Variants in TMEM117 observed in about 807,000 individuals in gnomAD.
The protein encoded by TMEM117 is transmembrane protein 117.
TMEM117 carries 27 observed loss-of-function variants against 52.4 expected under a neutral mutation model. The ratio of observed to expected loss-of-function variants is 0.51; its 90% confidence interval spans 0.38 to 0.71. The LOEUF (loss-of-function observed/expected upper bound fraction) is 0.71, where lower values mean the gene tolerates loss of function less well. TMEM117 is among the 30% of genes least tolerant of loss of function. TMEM117 has a pLI of 0.00. For synonymous variants in TMEM117, 215 were observed against 206.3 expected, an observed-to-expected ratio of 1.04 and a Z score of -0.36; for missense variants, 556 against 630.5, an observed-to-expected ratio of 0.88 and a Z score of 1.26.
At chr12:43,930,519 C>T (rs1944854589) in intron 2 of TMEM117, among the ~76,000 whole-genome samples, 1 of 152,164 alleles carries the variant, frequency 6.6e-6, no homozygotes, top group Non-Finnish European at 1.5e-5. Flanking sequence ...GAAAAAGATG[C>T]AATAAATTTG....
intron 5 of TMEM117, among the ~76,000 whole-genome samples, chr12:44,262,465 G>A (rs1242761617): frequency 1.3e-5 from 2 of 152,130 alleles, no homozygotes; most frequent in African/African-American, 4.8e-5. Flanking sequence ...ACAAACCCAC[G>A]TGTTTGATGG....
At chr12:44,122,634 G>A (rs967047267) in intron 3 of TMEM117, among the ~76,000 whole-genome samples, 1 of 152,062 alleles carries the variant, frequency 6.6e-6, no homozygotes, top group African/African-American at 2.4e-5. Flanking sequence ...TCATCATTCA[G>A]CTCCCACTTA....
At chr12:44,134,411 A>T (rs1005604591) in intron 3 of TMEM117, among the ~76,000 whole-genome samples, 2 of 152,118 alleles carry the variant, frequency 1.3e-5, no homozygotes, top group East Asian at 1.9e-4. Context: ...GATGTGGTGC[A>T]CTATGTTTCC....
At chr12:43,909,722 G>A (rs1263861298) in intron 2 of TMEM117, among the ~76,000 whole-genome samples, 1 of 150,930 alleles carries the variant, frequency 6.6e-6, no homozygotes, top group Non-Finnish European at 1.5e-5. Flanking sequence ...ACACCTCTAC[G>A]CAAATAAACT....
At chr12:44,035,470 A>G (rs1371244345) in intron 3 of TMEM117, among the ~76,000 whole-genome samples, 1 of 152,270 alleles carries the variant, frequency 6.6e-6, no homozygotes, top group African/African-American at 2.4e-5. Context: ...GAGAAACAAT[A>G]GTAAGCAAGT....
At chr12:44,045,885 A>G (rs1295395703) in intron 3 of TMEM117, among the ~76,000 whole-genome samples, 1 of 152,114 alleles carries the variant, frequency 6.6e-6, no homozygotes, top group East Asian at 1.9e-4. Context: ...TGGTCTTACC[A>G]TGTTCCCCAT....
intron 6 of TMEM117, among the ~76,000 whole-genome samples, chr12:44,332,386 T>C (rs1340394079): frequency 6.6e-6 from 1 of 152,060 alleles, no homozygotes; most frequent in African/African-American, 2.4e-5. Context: ...TTATGCCAAA[T>C]TGCTCTGTAT....
chr12:44,299,128 ATTTTTT>A (rs375671360), intron 5 of TMEM117, among the ~76,000 whole-genome samples: 1 of 125,418 alleles, frequency 8.0e-6, no homozygotes, highest in Non-Finnish European at 1.6e-5. Context: ...AAGGCATTTA[ATTTTTT>A]TTTTTTTTTT....
rs546386068 is a variant in TMEM117, at chr12:44,038,644, C to A, written c.410+94302C>A. Among the ~76,000 whole-genome samples, 460 of 152,298 alleles carry A rather than the reference C, an allele frequency of 3.0e-3. 3 individuals are homozygous for A. The highest frequency in any genetic ancestry group is 0.011 in the African/African-American group (447 of 41,548). The stretch of plus-strand genomic sequence containing the variant: ...TCGAGTAAAAACTTGGGCAAAGGTG[C>A]CCCTGGCCACAGAGGTTTCCAGCTG... On this transcript the variant is annotated intron_variant, in intron 3 of 7. Transcript: ENST00000266534.
At chr12:43,815,151 T>C in the TMEM117 span, among the ~76,000 whole-genome samples, 2 of 152,242 alleles carry the variant, frequency 1.3e-5, no homozygotes, top group Non-Finnish European at 2.9e-5. Flanking sequence ...GGGACAATAA[T>C]AACATCTTGC....
In TMEM117 at chr12:44,300,648, T is replaced by A. The variant is rs185684262; in HGVS notation, c.768+909T>A. Among the ~76,000 whole-genome samples, 187 of 152,312 alleles carry A rather than the reference T, an allele frequency of 1.2e-3. 1 individual carries two copies. In the Middle Eastern group the frequency reaches 0.014, roughly 11 times the overall value. ...TAACAGTTTATTTATTGATTTTTTT[T>A]AAATTTGTTAAATAATATATCTTGG... is the stretch of plus-strand genomic sequence containing the variant. On this transcript the variant is annotated intron_variant, in intron 6 of 7. Coordinates refer to ENST00000266534, the MANE Select transcript of TMEM117 (RefSeq NM_032256.3).
At chr12:44,342,121 T>C (rs1157632716) in intron 6 of TMEM117, among the ~76,000 whole-genome samples, 1 of 152,128 alleles carries the variant, frequency 6.6e-6, no homozygotes, top group Non-Finnish European at 1.5e-5. Context: ...ACAAGTCAGC[T>C]ATCTAGCTTC....
chr12:44,277,428 CATTT>C (rs1266474828), intron 5 of TMEM117, among the ~76,000 whole-genome samples: 1 of 152,032 alleles, frequency 6.6e-6, no homozygotes. Flanking sequence ...AAAAAAGACC[CATTT>C]ATTATTTCAC....
chr12:44,260,883 AAG>A (rs1269036051), intron 5 of TMEM117, among the ~76,000 whole-genome samples: 1 of 152,196 alleles, frequency 6.6e-6, no homozygotes, highest in Non-Finnish European at 1.5e-5. Flanking sequence ...CACAAGTAAA[AAG>A]AGAGACAAAT....
At chr12:44,013,537 A>G (rs1460268630) in intron 3 of TMEM117, among the ~76,000 whole-genome samples, 2 of 152,260 alleles carry the variant, frequency 1.3e-5, no homozygotes, top group Middle Eastern at 3.4e-3. Context: ...CCTTTCTTTC[A>G]TATTTCAAAT....
At chr12:43,797,951 A>T in the TMEM117 span, 4 of 1,080,270 alleles carry the variant, frequency 3.7e-6, no homozygotes, top group Non-Finnish European at 5.2e-6. Context: ...CTATAATTAA[A>T]ATTATTTTTC....
intron 6 of TMEM117, among the ~76,000 whole-genome samples, chr12:44,326,784 C>T (rs1951201154): frequency 6.6e-6 from 1 of 152,082 alleles, no homozygotes. Flanking sequence ...CTTCACCACA[C>T]TATTCACCAA....
At chr12:44,212,426 C>T (rs573330368) in intron 5 of TMEM117, among the ~76,000 whole-genome samples, 35 of 152,178 alleles carry the variant, frequency 2.3e-4, no homozygotes, top group African/African-American at 8.2e-4. Context: ...TTGATGCTGG[C>T]AATTTGGGTT....
chr12:44,062,187 AG>A (rs1947150210), intron 3 of TMEM117, among the ~76,000 whole-genome samples: 1 of 152,190 alleles, frequency 6.6e-6, no homozygotes, highest in Non-Finnish European at 1.5e-5. Context: ...AGACCAAGAA[AG>A]GGTTTGAATG....
Sources: allele counts gnomAD v4.1 joint callset (sites outside exome capture counted in the v4.1 genomes callset), GRCh38; gene constraint gnomAD v4.1.1; transcripts MANE v1.5; gene names NCBI Gene and HGNC (gene_info 2026-07-23, HGNC 2026-07-21).